The following ZMYM2 variants were observed in gnomAD, a reference collection of about 807,000 sequenced individuals.
ZMYM2 encodes zinc finger MYM-type containing 2, also known as zinc finger MYM-type protein 2.
ZMYM2 carries 56 observed loss-of-function variants against 162.8 expected under a neutral mutation model. The observed-to-expected ratio is 0.34, with a 90% CI of 0.28 to 0.43. The LOEUF (loss-of-function observed/expected upper bound fraction) is 0.43, where lower values mean the gene tolerates loss of function less well. ZMYM2 is among the 20% of genes least tolerant of loss of function. The probability of loss-of-function intolerance (pLI) is 1.00; values close to 1 mark genes in which losing one functional copy is unlikely to be tolerated. For synonymous variants in ZMYM2, 510 were observed against 541.6 expected, an observed-to-expected ratio of 0.94 and a Z score of 0.81; for missense variants, 1,275 against 1,621.8, an observed-to-expected ratio of 0.79 and a Z score of 3.67.
At chr13:19,919,025 A>G in the ZMYM2 span, among the ~76,000 whole-genome samples, 1 of 151,784 alleles carries the variant, frequency 6.6e-6, no homozygotes, top group East Asian at 1.9e-4. Flanking sequence ...ACTCCTCTCT[A>G]CCGCCTTTCC....
At chr13:20,061,370 A>ACGGCGTCCTC in intron 17 of ZMYM2, 146 bp downstream of exon 17, 2 of 651,290 alleles carry the variant, frequency 3.1e-6, no homozygotes, top group Non-Finnish European at 2.2e-6. Flanking sequence ...TTTTTATATT[A>ACGGCGTCCTC]AGAGATCTAC....
the ZMYM2 span, among the ~76,000 whole-genome samples, chr13:19,951,633 T>G: frequency 1.4e-5 from 2 of 146,198 alleles, no homozygotes; most frequent in Admixed American, 7.0e-5. Context: ...ACCTGGGAGG[T>G]GGGTGTTGCA....
At chr13:20,032,800 G>C (rs1388830122) in intron 10 of ZMYM2, among the ~76,000 whole-genome samples, 1 of 151,548 alleles carries the variant, frequency 6.6e-6, no homozygotes, top group Non-Finnish European at 1.5e-5. Flanking sequence ...GTAGAGATGG[G>C]GTTTCACCAT....
the ZMYM2 span, among the ~76,000 whole-genome samples, chr13:19,920,171 C>A: frequency 6.6e-6 from 1 of 152,090 alleles, no homozygotes; most frequent in Non-Finnish European, 1.5e-5. Context: ...CCTAAATTAA[C>A]CTTTTCAAGT....
chr13:19,913,926 G>T, the ZMYM2 span, among the ~76,000 whole-genome samples: 1 of 152,208 alleles, frequency 6.6e-6, no homozygotes, highest in African/African-American at 2.4e-5. Context: ...CCGCCTGGAA[G>T]TGAACAGTTG....
At chr13:19,875,745 T>C in the ZMYM2 span, among the ~76,000 whole-genome samples, 1 of 151,964 alleles carries the variant, frequency 6.6e-6, no homozygotes, top group African/African-American at 2.4e-5. Flanking sequence ...AAATACTGCG[T>C]GTTCTCCCTT....
chr13:20,069,481 T>A (rs259784), intron 21 of ZMYM2, among the ~76,000 whole-genome samples: 1 of 150,944 alleles, frequency 6.6e-6, no homozygotes, highest in African/African-American at 2.4e-5. Context: ...CTTAGTTGAC[T>A]GAGAATTTTT....
chr13:20,078,702 G>A (rs895065181), intron 21 of ZMYM2, among the ~76,000 whole-genome samples: 7 of 152,138 alleles, frequency 4.6e-5, no homozygotes, highest in African/African-American at 1.7e-4. Context: ...GAAATGAGAA[G>A]TGTTCTGAGT....
the ZMYM2 span, among the ~76,000 whole-genome samples, chr13:19,889,091 A>G: frequency 1.3e-5 from 2 of 151,836 alleles, no homozygotes; most frequent in African/African-American, 2.4e-5. Flanking sequence ...TGGAACCCTT[A>G]TCTTTCCTTT....
intron 7 of ZMYM2, among the ~76,000 whole-genome samples, chr13:20,022,020 T>C (rs1952154878): frequency 6.6e-6 from 1 of 152,190 alleles, no homozygotes; most frequent in African/African-American, 2.4e-5. Flanking sequence ...CAGCTACTTC[T>C]AGGCCTCAAG....
chr13:19,979,474 C>T (rs185849635), intron 2 of ZMYM2, among the ~76,000 whole-genome samples: 26 of 143,902 alleles, frequency 1.8e-4, no homozygotes, highest in African/African-American at 6.7e-4. Context: ...TGTTTGTAGG[C>T]ACTGGAGTTT....
At chr13:19,945,164 C>T in the ZMYM2 span, among the ~76,000 whole-genome samples, 931 of 152,174 alleles carry the variant, frequency 6.1e-3, 6 homozygotes, top group South Asian at 0.015. Flanking sequence ...TTATATTCAA[C>T]TATTTTTCCA....
chr13:19,980,825 TTATC>T (rs1041490749), intron 2 of ZMYM2, among the ~76,000 whole-genome samples: 2 of 152,030 alleles, frequency 1.3e-5, no homozygotes, highest in Admixed American at 6.6e-5. Flanking sequence ...GAGATTCAGT[TTATC>T]TAATTAAAAA....
the ZMYM2 span, among the ~76,000 whole-genome samples, chr13:19,898,237 C>CT: frequency 9.2e-4 from 133 of 145,002 alleles, no homozygotes; most frequent in Middle Eastern, 3.6e-3. Flanking sequence ...AGAACACACT[C>CT]TTTTTTTTTT....
the ZMYM2 span, among the ~76,000 whole-genome samples, chr13:19,921,501 A>G: frequency 6.6e-6 from 1 of 152,102 alleles, no homozygotes; most frequent in Non-Finnish European, 1.5e-5. Flanking sequence ...CCAGTACAAT[A>G]TTGATTAGAA....
At chr13:20,062,241 T>C (rs1016258559) in intron 17 of ZMYM2, among the ~76,000 whole-genome samples, 23 of 152,222 alleles carry the variant, frequency 1.5e-4, no homozygotes, top group African/African-American at 5.3e-4. Context: ...CTAAGTGGAA[T>C]AGGGTAAGAG....
chr13:20,063,168 T>G (rs1191826044), intron 18 of ZMYM2, among the ~76,000 whole-genome samples, 197 bp downstream of exon 18: 1 of 152,070 alleles, frequency 6.6e-6, no homozygotes, highest in Non-Finnish European at 1.5e-5. Context: ...AACAGTTAAC[T>G]TCTGGAATGA....
the ZMYM2 span, among the ~76,000 whole-genome samples, chr13:19,935,827 T>C: frequency 6.6e-6 from 1 of 152,122 alleles, no homozygotes; most frequent in African/African-American, 2.4e-5. Context: ...AAGTCTCAAT[T>C]ATCTGTTCTA....
the ZMYM2 span, among the ~76,000 whole-genome samples, chr13:19,869,033 G>C: frequency 2.0e-5 from 3 of 152,160 alleles, no homozygotes; most frequent in East Asian, 5.8e-4. Flanking sequence ...TTACAGGCGT[G>C]AGCCACCGCA....
Sources: gnomAD v4.1 joint callset for allele counts (sites outside exome capture counted in the v4.1 genomes callset) on GRCh38, gnomAD v4.1.1 for gene constraint, MANE v1.5 for transcripts, NCBI Gene and HGNC (gene_info 2026-07-23, HGNC 2026-07-21) for gene names.